Variants in STK32A observed in about 807,000 individuals in gnomAD.
STK32A encodes serine/threonine kinase 32A, also known as serine/threonine-protein kinase 32A.
STK32A carries 41 observed loss-of-function variants against 53.2 expected under a neutral mutation model. The ratio of observed to expected loss-of-function variants is 0.77; its 90% CI spans 0.60 to 1.00. The LOEUF (loss-of-function observed/expected upper bound fraction) is 1.00. STK32A is among the 50% of genes least tolerant of loss of function. STK32A has a pLI of 0.00. For missense variants in STK32A, 458 were observed against 485.8 expected, an observed-to-expected ratio of 0.94 and a Z score of 0.54; for synonymous variants, 166 against 162.8, an observed-to-expected ratio of 1.02 and a Z score of -0.15.
intron 2 of STK32A, among the ~76,000 whole-genome samples, chr5:147,248,252 C>T (rs942875033): frequency 1.3e-5 from 2 of 151,804 alleles, no homozygotes; most frequent in South Asian, 4.1e-4. Flanking sequence ...GCAGACATTT[C>T]TTCATATGCC....
the STK32A span, chr5:147,397,614 G>C: frequency 1.9e-6 from 3 of 1,563,990 alleles, no homozygotes; most frequent in Non-Finnish European, 8.7e-7. Context: ...ATCTCTGAGC[G>C]TGAGTGGAAC....
chr5:147,355,054 TGCTTTCATAG>T (rs1756154977), intron 7 of STK32A, among the ~76,000 whole-genome samples: 2 of 152,116 alleles, frequency 1.3e-5, no homozygotes, highest in South Asian at 4.2e-4. Flanking sequence ...CATTTTATAG[TGCTTTCATAG>T]GATACTAAGT....
chr5:147,372,188 C>CA (rs2152003959), intron 9 of STK32A, among the ~76,000 whole-genome samples: 1 of 143,130 alleles, frequency 7.0e-6, no homozygotes, highest in East Asian at 2.2e-4. Flanking sequence ...AGATGAAGAA[C>CA]AGTTATAGCG....
At chr5:147,272,055 C>T (rs1581021971) in intron 2 of STK32A, among the ~76,000 whole-genome samples, 2 of 152,304 alleles carry the variant, frequency 1.3e-5, no homozygotes, top group Admixed American at 6.5e-5. Flanking sequence ...ATGTCTCCCC[C>T]GGATGTCCAG....
chr5:147,299,610 C>T (rs1366395816), intron 4 of STK32A, among the ~76,000 whole-genome samples: 3 of 152,092 alleles, frequency 2.0e-5, no homozygotes, highest in Non-Finnish European at 2.9e-5. Flanking sequence ...AAAATGTCAA[C>T]GTGAAACAAG....
At chr5:147,292,498 C>T (rs1752643936) in intron 4 of STK32A, among the ~76,000 whole-genome samples, 1 of 152,030 alleles carries the variant, frequency 6.6e-6, no homozygotes, top group African/African-American at 2.4e-5. Flanking sequence ...CTCTAAATAG[C>T]TCAAAAAAAA....
intron 2 of STK32A, among the ~76,000 whole-genome samples, chr5:147,272,598 T>C (rs1303555811): frequency 6.6e-6 from 1 of 151,050 alleles, no homozygotes; most frequent in Non-Finnish European, 1.5e-5. Flanking sequence ...AGTACATATA[T>C]GCAGAGAGAA....
chr5:147,320,965 T>C (rs2151976923), intron 4 of STK32A, among the ~76,000 whole-genome samples: 1 of 152,314 alleles, frequency 6.6e-6, no homozygotes, highest in East Asian at 1.9e-4. Context: ...TGTAAAAATA[T>C]AACTGCAAGG....
intron 4 of STK32A, among the ~76,000 whole-genome samples, chr5:147,286,317 G>A (rs1379068841): frequency 6.6e-6 from 1 of 152,068 alleles, no homozygotes; most frequent in Non-Finnish European, 1.5e-5. Context: ...TACAAATGTG[G>A]TGTAGTGTAT....
At chr5:147,330,514 G>A (rs774690999) in intron 5 of STK32A, among the ~76,000 whole-genome samples, 1 of 152,180 alleles carries the variant, frequency 6.6e-6, no homozygotes, top group African/African-American at 2.4e-5. Context: ...AATCCTGGGG[G>A]TCACCGTACA....
chr5:147,376,442 G>A (rs1326707487), intron 11 of STK32A, among the ~76,000 whole-genome samples: 1 of 152,142 alleles, frequency 6.6e-6, no homozygotes, highest in Non-Finnish European at 1.5e-5. Flanking sequence ...TTGGCTCAAG[G>A]TGGATACAGG....
chr5:147,358,482 C>T (rs1324360626), intron 7 of STK32A, among the ~76,000 whole-genome samples: 1 of 152,258 alleles, frequency 6.6e-6, no homozygotes, highest in East Asian at 1.9e-4. Context: ...TGTATAGGAA[C>T]GTTCATGACA....
At chr5:147,393,242 G>A in the STK32A span, 1 of 152,314 alleles carries the variant, frequency 6.6e-6, no homozygotes, top group African/African-American at 2.4e-5. Context: ...GGGAGGGCAA[G>A]AGGAAGAGAA....
chr5:147,270,120 G>C (rs972467960), intron 2 of STK32A, among the ~76,000 whole-genome samples: 8 of 152,094 alleles, frequency 5.3e-5, no homozygotes, highest in Non-Finnish European at 7.3e-5. Flanking sequence ...TAACAATCTT[G>C]AAGTTTAAAA....
chr5:147,321,329 G>A (rs1754307142), intron 4 of STK32A, among the ~76,000 whole-genome samples: 1 of 152,160 alleles, frequency 6.6e-6, no homozygotes, highest in African/African-American at 2.4e-5. Context: ...GCCCAATTGT[G>A]TTATGTTCAC....
At chr5:147,363,929 C>T (rs557626586) in intron 8 of STK32A, among the ~76,000 whole-genome samples, 1 of 152,138 alleles carries the variant, frequency 6.6e-6, no homozygotes, top group Non-Finnish European at 1.5e-5. Flanking sequence ...GAAATCTCCT[C>T]GGCTGGCCTG....
chr5:147,379,403 C>T (rs918528736), intron 11 of STK32A, among the ~76,000 whole-genome samples: 6 of 151,804 alleles, frequency 4.0e-5, no homozygotes, highest in South Asian at 4.2e-4. Flanking sequence ...TTGCATTTTT[C>T]GGGTGTCTCA....
chr5:147,373,052 G>C, intron 9 of STK32A, 117 bp from the exon 10 acceptor site: 1 of 1,230,572 alleles, frequency 8.1e-7, no homozygotes, highest in South Asian at 1.4e-5. Context: ...TAGGGATAGG[G>C]GACACTGTCT....
At chr5:147,390,287 C>A (rs1485854243), downstream of STK32A, among the ~76,000 whole-genome samples, 1 of 152,038 alleles carries the variant, frequency 6.6e-6, no homozygotes, top group African/African-American at 2.4e-5. Flanking sequence ...CCGATATGTA[C>A]CTGAAAGCTC....
Sources: allele counts gnomAD v4.1 joint callset (sites outside exome capture counted in the v4.1 genomes callset), GRCh38; gene constraint gnomAD v4.1.1; transcripts MANE v1.5; gene names NCBI Gene and HGNC (gene_info 2026-07-23, HGNC 2026-07-21).